Variants in SPATS2 observed in about 807,000 individuals in gnomAD.
SPATS2 encodes spermatogenesis-associated serine-rich protein 2.
SPATS2 carries 38 observed loss-of-function variants against 63.7 expected under a neutral mutation model. That is an observed-to-expected ratio of 0.60 (90% CI 0.46 to 0.78). The LOEUF is 0.78. SPATS2 is among the 30% of genes least tolerant of loss of function. SPATS2 has a pLI of 0.00. For missense variants in SPATS2, 588 were observed against 666.2 expected, an observed-to-expected ratio of 0.88 and a Z score of 1.29; for synonymous variants, 207 against 232.9, an observed-to-expected ratio of 0.89 and a Z score of 1.01.
chr12:49,508,292 C>CT (rs776677127), intron 9 of SPATS2, among the ~76,000 whole-genome samples: 47 of 152,244 alleles, frequency 3.1e-4, no homozygotes, highest in Non-Finnish European at 5.3e-4. Flanking sequence ...ACTGCTACCT[C>CT]TGCCTCCCGG....
At chr12:49,414,482 C>T (rs1318808161) in intron 2 of SPATS2, among the ~76,000 whole-genome samples, 2 of 152,136 alleles carry the variant, frequency 1.3e-5, no homozygotes, top group African/African-American at 4.8e-5. Context: ...GGCCCTCAGC[C>T]TAAAATATTT....
chr12:49,492,171 A>T (rs1270856377), intron 6 of SPATS2, among the ~76,000 whole-genome samples: 1 of 150,940 alleles, frequency 6.6e-6, no homozygotes, highest in South Asian at 2.1e-4. Flanking sequence ...TGTTACATAG[A>T]TAACTGTGAG....
intron 2 of SPATS2, among the ~76,000 whole-genome samples, chr12:49,376,938 G>C (rs866571825): frequency 6.6e-6 from 1 of 151,928 alleles, no homozygotes; most frequent in Admixed American, 6.6e-5. Flanking sequence ...GTTTGGTCTT[G>C]AACTCCTGAC....
intron 2 of SPATS2, among the ~76,000 whole-genome samples, chr12:49,422,717 C>T (rs1187668858): frequency 1.3e-5 from 2 of 151,962 alleles, no homozygotes; most frequent in Non-Finnish European, 1.5e-5. Flanking sequence ...GATCAGCCTG[C>T]GCAAGGCAAC....
chr12:49,375,489 T>A (rs1944084530), intron 2 of SPATS2, among the ~76,000 whole-genome samples: 1 of 152,348 alleles, frequency 6.6e-6, no homozygotes, highest in Middle Eastern at 3.4e-3. Flanking sequence ...GATCATAGCA[T>A]GTCAGTGTGG....
intron 2 of SPATS2, among the ~76,000 whole-genome samples, chr12:49,455,970 C>T (rs1187388755): frequency 6.6e-6 from 1 of 152,178 alleles, no homozygotes; most frequent in Non-Finnish European, 1.5e-5. Flanking sequence ...ATCTAATCTC[C>T]TGTTCTTTTG....
intron 2 of SPATS2, among the ~76,000 whole-genome samples, chr12:49,440,227 T>A (rs1452878685): frequency 6.6e-6 from 1 of 152,172 alleles, no homozygotes; most frequent in South Asian, 2.1e-4. Flanking sequence ...AATCACAAAG[T>A]CATTCTCTAA....
At chr12:49,474,585 A>G (rs1427683890) in intron 3 of SPATS2, among the ~76,000 whole-genome samples, 1 of 152,264 alleles carries the variant, frequency 6.6e-6, no homozygotes, top group East Asian at 1.9e-4. Flanking sequence ...CTAAACTGGA[A>G]TTAGTGCTAT....
intron 3 of SPATS2, among the ~76,000 whole-genome samples, chr12:49,476,798 G>A (rs1015344701): frequency 1.3e-5 from 2 of 152,166 alleles, no homozygotes; most frequent in African/African-American, 4.8e-5. Flanking sequence ...TTTAAACAAT[G>A]AGACCCTCAA....
intron 2 of SPATS2, among the ~76,000 whole-genome samples, chr12:49,412,054 G>A (rs1019458936): frequency 1.1e-4 from 17 of 152,030 alleles, no homozygotes; most frequent in Admixed American, 2.0e-4. Flanking sequence ...TAAAGATGAC[G>A]AGGCCTTAGA....
chr12:49,391,746 T>A (rs1271518597), intron 2 of SPATS2, among the ~76,000 whole-genome samples: 2 of 152,154 alleles, frequency 1.3e-5, no homozygotes, highest in Non-Finnish European at 2.9e-5. Flanking sequence ...TATAATTTTT[T>A]AAATAAATAT....
At chr12:49,458,613 C>T (rs1170656522) in intron 2 of SPATS2, among the ~76,000 whole-genome samples, 1 of 152,132 alleles carries the variant, frequency 6.6e-6, no homozygotes, top group Non-Finnish European at 1.5e-5. Flanking sequence ...ACCCCTCTCT[C>T]TACTGAAAAT....
intron 2 of SPATS2, among the ~76,000 whole-genome samples, chr12:49,372,714 T>G (rs770251372): frequency 2.0e-5 from 3 of 152,108 alleles, no homozygotes; most frequent in Non-Finnish European, 4.4e-5. Context: ...TCTTCCTGCA[T>G]TCATTAAAAA....
chr12:49,496,557 C>T (rs1946467096), intron 7 of SPATS2, among the ~76,000 whole-genome samples: 1 of 152,186 alleles, frequency 6.6e-6, no homozygotes, highest in African/African-American at 2.4e-5. Context: ...TACAAAGAAG[C>T]CACAGAGCCA....
chr12:49,374,957 T>TC (rs1215827792), intron 2 of SPATS2, among the ~76,000 whole-genome samples: 20 of 31,068 alleles, frequency 6.4e-4, no homozygotes, highest in Admixed American at 1.4e-3. Flanking sequence ...AGGATCTGTC[T>TC]CAAAAAAAAA....
At chr12:49,495,025 A>G (rs757014908) in intron 7 of SPATS2, 23 bp downstream of exon 7, 5 of 1,517,406 alleles carry the variant, frequency 3.3e-6, no homozygotes, top group African/African-American at 2.8e-5. Context: ...ACAGATTTTG[A>G]AAAAGTTGCA....
intron 3 of SPATS2, among the ~76,000 whole-genome samples, chr12:49,467,057 T>TGTTTTTTTTTTTTG (rs1565736533): frequency 7.3e-6 from 1 of 136,132 alleles, no homozygotes; most frequent in African/African-American, 2.8e-5. Context: ...TTTTTTTTTT[T>TGTTTTTTTTTTTTG]TTTTTTTTTT....
rs563688341 is a variant in SPATS2 at position 49,508,686 on chromosome 12, C to T, written c.840-5869C>T. Among the ~76,000 whole-genome samples, 26 of 151,874 alleles carry T rather than the reference C, an allele frequency of 1.7e-4. No homozygotes were observed. In the South Asian group the frequency reaches 5.0e-3, roughly 29 times the overall value. On this transcript the variant is annotated intron_variant, in intron 9 of 13. Coordinates refer to ENST00000552918, the MANE Select transcript of SPATS2 (RefSeq NM_023071.4). ...CTGGGCTCAAGTGATCCTCCTGCCT[C>T]GACTTCCCCAAGTGCTGGGATAGCA... is the stretch of plus-strand genomic sequence containing the variant.
At chr12:49,502,773 GAC>G (rs1435482188) in intron 9 of SPATS2, among the ~76,000 whole-genome samples, 2 of 151,992 alleles carry the variant, frequency 1.3e-5, no homozygotes, top group South Asian at 2.1e-4. Flanking sequence ...TGTTTTTCTT[GAC>G]ACATATTTTT....
Sources: allele counts gnomAD v4.1 joint callset (sites outside exome capture counted in the v4.1 genomes callset), GRCh38; gene constraint gnomAD v4.1.1; transcripts MANE v1.5; gene names NCBI Gene and HGNC (gene_info 2026-07-23, HGNC 2026-07-21).